Variants in TAF1 observed in about 807,000 individuals in gnomAD.
TAF1 encodes the protein TATA-box binding protein associated factor 1.
A neutral mutation model predicts 138.5 loss-of-function variants in TAF1; 2 were observed. That is an observed-to-expected ratio of 0.01 (90% CI 0.01 to 0.05). The LOEUF is 0.05. Among genes scored for constraint, TAF1 ranks in the 10% least tolerant of loss-of-function variants. The pLI is 1.00. For synonymous variants in TAF1, 437 were observed against 503.2 expected (o/e 0.87, Z 1.76); for missense variants, 709 against 1,478.0 (o/e 0.48, Z 8.53).
At chrX:71,370,348 CCCCCA>C (rs2032955887) in intron 3 of TAF1, among the ~76,000 whole-genome samples, 1 of 110,661 alleles carries the variant, frequency 9.0e-6, no homozygotes, top group African/African-American at 3.3e-5. Context: ...GCTTGAGACT[CCCCCA>C]CCCCACCCCA....
intron 22 of TAF1, among the ~76,000 whole-genome samples, chrX:71,396,211 GT>G (rs1026712478): frequency 1.0e-4 from 11 of 107,706 alleles, no homozygotes; most frequent in African/African-American, 3.7e-4. Flanking sequence ...TCATATTAAT[GT>G]TTGAGAAGCT....
At chrX:71,460,865 C>T (rs1168006411) in intron 37 of TAF1, 62 bp downstream of exon 37, 2 of 1,147,983 alleles carry the variant, frequency 1.7e-6, no homozygotes, top group Admixed American at 2.6e-5. Flanking sequence ...TGTTGAGGGG[C>T]CCAACATCAG....
intron 13 of TAF1, among the ~76,000 whole-genome samples, chrX:71,481,234 G>A (rs1027973101): frequency 2.7e-5 from 3 of 111,814 alleles, no homozygotes; most frequent in African/African-American, 6.5e-5. Flanking sequence ...AGCCGAGATC[G>A]TGCCATTGCA....
In TAF1 at chrX:71,388,392, A is replaced by G. The variant is rs771478605; in HGVS notation, c.2569+14A>G. ...TCAAACGCACAGGTCGTCTGTTGTG[A>G]CTAGTTATTTGTCTGCCTTTTTCCA... On this transcript the variant is annotated intron_variant, in intron 16 of 37. Coordinates refer to ENST00000423759, the MANE Select transcript of TAF1 (RefSeq NM_004606.5). The G allele has an allele frequency of 1.7e-6, 2 of 1,195,735 alleles. No individual in the cohort carries two copies. The highest frequency in any genetic ancestry group is 3.0e-5 in the East Asian group (1 of 33,726).
At chrX:71,523,555 G>A (rs997406529) in intron 13 of TAF1, among the ~76,000 whole-genome samples, 11 of 111,560 alleles carry the variant, frequency 9.9e-5, no homozygotes, top group Admixed American at 9.6e-4. Context: ...AATATATTAT[G>A]GCTATACAAA....
chrX:71,499,304 T>C (rs1361627629), intron 13 of TAF1, among the ~76,000 whole-genome samples: 1 of 102,566 alleles, frequency 9.7e-6, no homozygotes, highest in South Asian at 4.3e-4. Flanking sequence ...CGATCTTGCT[T>C]TTCCTTTTCG....
At chrX:71,410,493 T>C (rs2148508608) in intron 28 of TAF1, among the ~76,000 whole-genome samples, 2 of 99,283 alleles carry the variant, frequency 2.0e-5, no homozygotes, top group Admixed American at 2.2e-4. Flanking sequence ...AGTCTTGCTC[T>C]TTGACCCAGG....
chrX:71,463,888 G>C lies in TAF1; in HGVS notation c.5464G>C (p.Gly1822Arg). 8.3e-7 allele frequency: 1 copy of C among 1,210,872 alleles called. No homozygotes were observed. ...CCAAGACACAAGCTTCAGCAGCATC[G>C]GTGGGTATGAGGTATCAGAGGAGGA... ...NTQDTSFSSI[G>R]GYEVSEEEED... is the part of the protein sequence containing the mutation. The change falls in exon 38 of 38, where the codon GGT (glycine) becomes CGT (arginine). Residue 1822 changes from glycine to arginine, a missense_variant. By Grantham distance (125) the Gly-to-Arg change is moderately radical (BLOSUM62 -2). Around this residue, in one of 14 missense-constraint regions of TAF1, gnomAD observed 123 missense variants for 174.7 expected, o/e 0.70. Transcript: ENST00000423759.
Position 71,460,738 on chromosome X carries a change from A to C in TAF1, c.5334A>C (p.Glu1778Asp). The change falls in exon 37 of 38, where the codon GAA becomes GAC. Residue 1778 changes from glutamate (E) to aspartate (D), a missense_variant. Glu to Asp is a conservative substitution (Grantham distance 45). This residue lies in a region of TAF1 where 123 missense variants were observed against 174.7 expected (regional missense o/e 0.70). Coordinates refer to ENST00000423759, the MANE Select transcript of TAF1 (RefSeq NM_004606.5). Reference sequence around the variant, plus strand: ...CAAGGATGGACATGGAAAATGAAGAAAGCATGATGTCCTATGAGGGAGACG... The same window carrying C: ...CAAGGATGGACATGGAAAATGAAGACAGCATGATGTCCTATGAGGGAGACG... ...ENTRMDMENE[E>D]SMMSYEGDGG... 8.3e-7 allele frequency: 1 copy of C among 1,207,347 alleles called. No homozygotes were observed. Among genetic ancestry groups the C allele is most frequent in the African/African-American group, 1.7e-5 (1 of 57,836 alleles).
chrX:71,382,679 AG>A lies in TAF1; in HGVS notation c.1665+20del, dbSNP rs777372285. The A allele has an allele frequency of 5.0e-6, 6 of 1,203,443 alleles. No individual in the cohort carries two copies. In the African/African-American group the frequency reaches 1.1e-4, roughly 21 times the overall value. On this transcript the variant is annotated intron_variant, in intron 10 of 37. Transcript: ENST00000423759. ...ACCACAGCAGGTGTGTGAAGAAAAA[AG>A]GGGCTTGGTGTTTAGAAGAACAAAG... is the stretch of plus-strand genomic sequence containing the variant.
chrX:71,483,526 G>A (rs2039110197), intron 13 of TAF1, among the ~76,000 whole-genome samples: 1 of 106,052 alleles, frequency 9.4e-6, no homozygotes, highest in African/African-American at 3.4e-5. Flanking sequence ...GGTTGAGGCT[G>A]CAGTGAGCCG....
At chrX:71,366,520 G>GGGGGC in intron 1 of TAF1, 26 bp downstream of exon 1, 1 of 417,682 alleles carries the variant, frequency 2.4e-6, no homozygotes, top group Non-Finnish European at 3.7e-6. Context: ...TGGGGGTAGG[G>GGGGGC]CTCGGGGGGT....
intron 32 of TAF1, among the ~76,000 whole-genome samples, chrX:71,441,367 T>C (rs2037410337): frequency 9.0e-6 from 1 of 111,452 alleles, no homozygotes. Flanking sequence ...GCATAAGAAA[T>C]TTTTTTAATT....
At chrX:71,398,796 C>T in intron 24 of TAF1, 59 bp downstream of exon 24, 1 of 1,119,447 alleles carries the variant, frequency 8.9e-7, no homozygotes, top group Non-Finnish European at 1.2e-6. Flanking sequence ...TATACCTTTT[C>T]CTTTAGCTTT....
rs111820157 is a variant in TAF1, at chrX:71,407,156, T to G, written c.4107+410T>G. Among the ~76,000 whole-genome samples the G allele has an allele frequency of 9.5e-3, 1,034 of 108,495 alleles. 16 individuals are homozygous for G. The highest frequency in any genetic ancestry group is 0.032 in the African/African-American group (961 of 29,693). 94.2% of individuals were successfully genotyped at this position (108,495 alleles called of 115,157 possible). On this transcript the variant is annotated intron_variant, in intron 26 of 37. Coordinates refer to ENST00000423759, the MANE Select transcript of TAF1 (RefSeq NM_004606.5). ...GTCTTGAACTCCTGACCTCAGGTAA[T>G]CCACTCGCTTTGGCCTCCCAAAGTG...
intron 34 of TAF1, among the ~76,000 whole-genome samples, chrX:71,457,266 A>G (rs1350178693): frequency 1.8e-5 from 2 of 112,697 alleles, no homozygotes; most frequent in African/African-American, 6.4e-5. Context: ...TAAAAGTAAC[A>G]TGTTTGTTAG....
chrX:71,507,910 G>T (rs2039657915), intron 13 of TAF1, among the ~76,000 whole-genome samples: 1 of 109,879 alleles, frequency 9.1e-6, no homozygotes, highest in South Asian at 3.9e-4. Flanking sequence ...AGAATCACGT[G>T]AATCTGGGGT....
At chrX:71,395,685 T>A (rs2034807891) in intron 22 of TAF1, among the ~76,000 whole-genome samples, 1 of 112,003 alleles carries the variant, frequency 8.9e-6, no homozygotes, top group African/African-American at 3.2e-5. Context: ...TTGTTTCCTC[T>A]TTTCTGTAAA....
chrX:71,385,472 T>C (rs1280714271), intron 14 of TAF1, among the ~76,000 whole-genome samples: 1 of 111,495 alleles, frequency 9.0e-6, no homozygotes, highest in African/African-American at 3.3e-5. Flanking sequence ...CATAGTGAAA[T>C]GCTTTTTTTT....
Sources: gnomAD v4.1 joint callset for allele counts (sites outside exome capture counted in the v4.1 genomes callset) on GRCh38, gnomAD v4.1.1 for gene constraint, gnomAD v4.1.1 regional missense constraint, MANE v1.5 for transcripts, NCBI Gene and HGNC (gene_info 2026-07-23, HGNC 2026-07-21) for gene names.